The following PCDHGA11 variants were observed in gnomAD, a reference collection of about 807,000 sequenced individuals.
The protein encoded by PCDHGA11 is protocadherin gamma subfamily A, 11, also known as protocadherin gamma-A11.
PCDHGA11 carries 39 observed loss-of-function variants against 60.4 expected under a neutral mutation model. The ratio of observed to expected loss-of-function variants is 0.65; its 90% CI spans 0.50 to 0.84. The LOEUF is 0.84. Among genes scored for constraint, PCDHGA11 ranks in the 40% least tolerant of loss-of-function variants. The pLI is 0.00. For missense variants in PCDHGA11, 1,165 were observed against 1,197.7 expected (o/e 0.97, Z 0.40); for synonymous variants, 533 against 510.3 (o/e 1.04, Z -0.60).
chr5:141,505,210 A>G (rs899138393), intron 2 of PCDHGA11, among the ~76,000 whole-genome samples, 183 bp from the exon 3 acceptor site: 3 of 152,192 alleles, frequency 2.0e-5, no homozygotes, highest in African/African-American at 7.2e-5. Flanking sequence ...GGTTTGAGGG[A>G]CTGACTTGTG....
intron 1 of PCDHGA11, among the ~76,000 whole-genome samples, chr5:141,438,585 TACATAC>T (rs201018754): frequency 0.16 from 9,805 of 59,734 alleles, 612 homozygotes; most frequent in African/African-American, 0.28. Context: ...CATACATACA[TACATAC>T]ATATATATAT....
In PCDHGA11 at chr5:141,486,128, G is replaced by C. The variant is rs1447222839; in HGVS notation, c.2434-8679G>C. ...TGAGAGTGAGAATTACTATGAATTT[G>C]ATGTGCGGGCTCGCGATGGGGGTTC... is the stretch of plus-strand genomic sequence containing the variant. On this transcript the variant is annotated intron_variant, in intron 1 of 3. Transcript: ENST00000398587. This position sits in a 1 kb window ranked among gnomAD's most constrained non-coding sequence, Gnocchi z 5.0. 6.2e-7 allele frequency: 1 copy of C among 1,614,066 alleles called. No homozygotes were observed. Among genetic ancestry groups the C allele is most frequent in the Non-Finnish European group, 8.5e-7 (1 of 1,180,034 alleles).
intron 1 of PCDHGA11, chr5:141,478,485 G>C (rs2099459345): frequency 1.2e-6 from 2 of 1,613,204 alleles, no homozygotes; most frequent in East Asian, 4.5e-5. Flanking sequence ...AACACGCTGC[G>C]GAGCTGTGAT....
rs778935746 is a variant in PCDHGA11 at position 141,422,318 on chromosome 5, G to A, written c.1091G>A (p.Gly364Asp). The A allele has an allele frequency of 6.5e-6, 10 of 1,548,110 alleles. No individual in the cohort carries two copies. The highest frequency in any genetic ancestry group is 7.8e-6 in the Non-Finnish European group (9 of 1,154,080). The change falls in exon 1 of 4, where the codon GGT becomes GAT. Residue 364 changes from glycine (G) to aspartate (D), a missense_variant. Physicochemically the swap from Gly to Asp is moderately conservative, Grantham distance 94. Coordinates refer to ENST00000398587, the MANE Select transcript of PCDHGA11 (RefSeq NM_018914.3). ...INSILENSPP[G>D]TVIALLNVQD... ...TCAATTCTGGAAAACTCTCCTCCAG[G>A]TACAGTGATTGCTCTTCTAAATGTG... is the stretch of plus-strand genomic sequence containing the variant.
intron 3 of PCDHGA11, among the ~76,000 whole-genome samples, chr5:141,508,620 G>A (rs1017391751): frequency 2.0e-5 from 3 of 152,070 alleles, no homozygotes; most frequent in East Asian, 1.9e-4. Context: ...GACGTGGGTG[G>A]GCCGAGCTTC....
intron 1 of PCDHGA11, chr5:141,433,024 C>A: frequency 6.2e-7 from 1 of 1,614,168 alleles, no homozygotes; most frequent in African/African-American, 1.3e-5. Flanking sequence ...CCTATTCCCA[C>A]GAGGTTTCCC....
rs757656265 is a variant in PCDHGA11, at chr5:141,421,903, G to A, written c.676G>A (p.Ala226Thr). ...LDGGDPIRKGAVPIRVVVLDV... is the reference protein window; with the variant it reads ...LDGGDPIRKGTVPIRVVVLDV... ...TGGAGGCGATCCCATCCGAAAGGGCGCAGTTCCCATTCGTGTGGTGGTCCT... is the reference window on the plus strand; with the variant it reads ...TGGAGGCGATCCCATCCGAAAGGGCACAGTTCCCATTCGTGTGGTGGTCCT... Residue 226 changes from alanine (A) to threonine (T), a missense_variant, in exon 1 of 4, where the codon GCA becomes ACA. Physicochemically the swap from Ala to Thr is moderately conservative, Grantham distance 58. Coordinates refer to ENST00000398587, the MANE Select transcript of PCDHGA11 (RefSeq NM_018914.3). 10 of 1,613,704 alleles carry A rather than the reference G, an allele frequency of 6.2e-6. No individual in the cohort carries two copies. The highest frequency in any genetic ancestry group is 1.3e-5 in the African/African-American group (1 of 75,036).
rs766227340 is a variant in PCDHGA11, at chr5:141,476,791, C to T, written c.2434-18016C>T. On this transcript the variant is annotated intron_variant, in intron 1 of 3. Transcript: ENST00000398587. The surrounding 1 kb of genome is among the most constrained non-coding windows in gnomAD (Gnocchi z 7.6). ...TGGACGGAGGGACCCCAGCTCTCTCCGCCAGCCTGCCTATTCACATCAAGG... is the reference window on the plus strand; with the variant it reads ...TGGACGGAGGGACCCCAGCTCTCTCTGCCAGCCTGCCTATTCACATCAAGG... 5.6e-6 allele frequency: 9 copies of T among 1,613,394 alleles called. No homozygotes were observed. Among genetic ancestry groups the T allele is most frequent in the Middle Eastern group, 1.6e-4 (1 of 6,084 alleles).
chr5:141,448,956 C>A (rs2098619571), intron 1 of PCDHGA11, among the ~76,000 whole-genome samples: 1 of 151,948 alleles, frequency 6.6e-6, no homozygotes, highest in Non-Finnish European at 1.5e-5. Context: ...AAAAAACAAA[C>A]AAACAAACAA....
rs1340590903 is a variant in PCDHGA11, at chr5:141,432,842, G to A, written c.2433+9182G>A. On this transcript the variant is annotated intron_variant, in intron 1 of 3. Coordinates refer to ENST00000398587, the MANE Select transcript of PCDHGA11 (RefSeq NM_018914.3). This position sits in a 1 kb window ranked among gnomAD's most constrained non-coding sequence, Gnocchi z 6.0. ...CTCAGACCTCACTCTGTACCTGGTG[G>A]TAGCGGTGGCCGCGGTCTCCTGCGT... 5 of 1,614,192 alleles carry A rather than the reference G, an allele frequency of 3.1e-6. No individual in the cohort carries two copies. The South Asian group carries it at 4.4e-5, about 14-fold the overall frequency.
Position 141,491,466 on chromosome 5 carries a change from T to G in PCDHGA11, c.2434-3341T>G. The G allele has an allele frequency of 6.2e-7, 1 of 1,614,068 alleles. No individual in the cohort carries two copies. Among genetic ancestry groups the G allele is most frequent in the Non-Finnish European group, 8.5e-7 (1 of 1,179,986 alleles). ...AGGACTCACCCTCCCCGGACTTCTA[T>G]AAGCAGTCCAGCCCCAACCTGCAGG... On this transcript the variant is annotated intron_variant, in intron 1 of 3. Coordinates refer to ENST00000398587, the MANE Select transcript of PCDHGA11 (RefSeq NM_018914.3). This position sits in a 1 kb window ranked among gnomAD's most constrained non-coding sequence, Gnocchi z 6.9.
intron 1 of PCDHGA11, chr5:141,430,634 C>G: frequency 1.1e-6 from 1 of 882,730 alleles, no homozygotes; most frequent in Non-Finnish European, 1.7e-6. Flanking sequence ...TGAACCATCC[C>G]TGGGAGTATG....
chr5:141,421,443 GAC>G lies in PCDHGA11; in HGVS notation c.220_221del (p.Gln74AlafsTer24), dbSNP rs771422215. On this transcript the variant is annotated frameshift_variant, in exon 1 of 4. Coordinates refer to ENST00000398587, the MANE Select transcript of PCDHGA11 (RefSeq NM_018914.3). LOFTEE classifies it high-confidence loss of function. ...GAGTCCGCATCGTCTCCAGAGGGAA[GAC>G]ACAGCTTTTCGCTGTGAATCCGCGA... ...RGVRIVSRGKTQLFAVNPRSG... is the reference protein window; with the variant it reads ...RGVRIVSRGKXQLFAVNPRSG... The G allele has an allele frequency of 2.9e-5, 47 of 1,613,988 alleles. No individual in the cohort carries two copies. The highest frequency in any genetic ancestry group is 3.6e-5 in the Non-Finnish European group (42 of 1,179,932).
chr5:141,464,260 G>A (rs546781463), intron 1 of PCDHGA11, among the ~76,000 whole-genome samples: 1 of 131,668 alleles, frequency 7.6e-6, no homozygotes, highest in Non-Finnish European at 1.6e-5. Flanking sequence ...GCGAGACTCC[G>A]TCTAAAAAAA....
chr5:141,450,210 G>T (rs2098673599), intron 1 of PCDHGA11, among the ~76,000 whole-genome samples: 1 of 151,786 alleles, frequency 6.6e-6, no homozygotes. Flanking sequence ...TAGAGACAAG[G>T]TTTCACTATG....
intron 1 of PCDHGA11, chr5:141,441,182 CA>C (rs1434822697): frequency 6.6e-6 from 1 of 152,140 alleles, no homozygotes; most frequent in African/African-American, 2.4e-5. Flanking sequence ...TCTAATTCCA[CA>C]ATGATTCCCA....
rs1425448852 is a variant in PCDHGA11, at chr5:141,493,717, C to T, written c.2434-1090C>T. Among the ~76,000 whole-genome samples the T allele has an allele frequency of 1.3e-5, 2 of 152,208 alleles. No individual in the cohort carries two copies. The highest frequency in any genetic ancestry group is 3.8e-4 in the East Asian group (2 of 5,202). On this transcript the variant is annotated intron_variant, in intron 1 of 3. Coordinates refer to ENST00000398587, the MANE Select transcript of PCDHGA11 (RefSeq NM_018914.3). This position sits in a 1 kb window ranked among gnomAD's most constrained non-coding sequence, Gnocchi z 4.3. ...CCGATACACCTGGAATGCTAGGTTT[C>T]TGGGTTCTGCTCATATCACTGCCAC...
chr5:141,487,033 A>T lies in PCDHGA11; in HGVS notation c.2434-7774A>T, dbSNP rs1465525110. ...AGGCCCCAGATCCCAGCCTGTTTGC[A>T]GTCTCTCGATATGCTGGGGAGGTGC... On this transcript the variant is annotated intron_variant, in intron 1 of 3. Coordinates refer to ENST00000398587, the MANE Select transcript of PCDHGA11 (RefSeq NM_018914.3). This position sits in a 1 kb window ranked among gnomAD's most constrained non-coding sequence, Gnocchi z 5.0. The T allele has an allele frequency of 6.2e-7, 1 of 1,614,042 alleles. No homozygotes were observed. The highest frequency in any genetic ancestry group is 8.5e-7 in the Non-Finnish European group (1 of 1,180,040).
At chr5:141,427,898 C>A (rs2154552434) in intron 1 of PCDHGA11, 1 of 1,570,872 alleles carries the variant, frequency 6.4e-7, no homozygotes, top group Non-Finnish European at 8.7e-7. Context: ...AGGGCTCGCC[C>A]GCGCTCAGCG....
Sources: allele counts gnomAD v4.1 joint callset (sites outside exome capture counted in the v4.1 genomes callset), GRCh38; gene constraint gnomAD v4.1.1; non-coding constraint Gnocchi (gnomAD v3.1); transcripts MANE v1.5; gene names NCBI Gene and HGNC (gene_info 2026-07-23, HGNC 2026-07-21).